Variants in DHX58 observed in about 807,000 individuals in gnomAD.
DHX58 encodes the protein ATP-dependent RNA helicase DHX58.
In DHX58, 51 loss-of-function variants were observed where a neutral mutation model predicts 65.0. The ratio of observed to expected loss-of-function variants is 0.78; its 90% confidence interval spans 0.63 to 0.99. The LOEUF (loss-of-function observed/expected upper bound fraction) is 0.99. Among genes scored for constraint, DHX58 ranks in the 50% least tolerant of loss-of-function variants. The pLI is 0.00. For missense variants in DHX58, 773 were observed against 891.8 expected (o/e 0.87, Z 1.70); for synonymous variants, 350 against 365.0 (o/e 0.96, Z 0.47).
intron 11 of DHX58, among the ~76,000 whole-genome samples, chr17:42,104,201 G>A (rs1482012282): frequency 1.3e-5 from 2 of 151,046 alleles, no homozygotes; most frequent in African/African-American, 2.4e-5. Context: ...GTGAGACTCC[G>A]TCTCGGGGAA....
intron 6 of DHX58, 129 bp downstream of exon 6, chr17:42,109,141 A>G: frequency 1.4e-6 from 1 of 715,968 alleles, no homozygotes; most frequent in South Asian, 2.2e-5. Context: ...AGAAAGGAGA[A>G]ATTGAGGCTT....
At chr17:42,112,354 C>A in intron 1 of DHX58, 149 bp from the exon 2 acceptor site, 1 of 259,774 alleles carries the variant, frequency 3.8e-6, no homozygotes, top group African/African-American at 2.3e-5. Flanking sequence ...TGCGCCAGCG[C>A]CCTGGCAGGC....
intron 3 of DHX58, 84 bp downstream of exon 3, chr17:42,111,641 G>A: frequency 2.5e-6 from 4 of 1,569,314 alleles, no homozygotes; most frequent in Non-Finnish European, 3.5e-6. Context: ...AGCAGCTTTG[G>A]AGTTCTGGTG....
intron 5 of DHX58, among the ~76,000 whole-genome samples, chr17:42,109,722 C>T (rs1413902505): frequency 6.6e-6 from 1 of 151,676 alleles, no homozygotes; most frequent in African/African-American, 2.4e-5. Context: ...TGGTGAAACC[C>T]CACCTCTACT....
At chr17:42,111,148 C>G in intron 4 of DHX58, 148 bp downstream of exon 4, 1 of 1,067,392 alleles carries the variant, frequency 9.4e-7, no homozygotes, top group South Asian at 1.6e-5. Flanking sequence ...CGGCCTGTTT[C>G]TACTAGAGTG....
At position 42,105,007 on chromosome 17, in the gene DHX58, G is replaced by A; in HGVS notation, c.1401+11C>T. 6.2e-7 allele frequency: 1 copy of A among 1,612,326 alleles called. No individual in the cohort carries two copies. On this transcript the variant is annotated intron_variant, in intron 10 of 13. Coordinates refer to ENST00000251642, the MANE Select transcript of DHX58 (RefSeq NM_024119.3). ...CTATAAGGGCGGCTGAGTGGAGGAG[G>A]ATGTGAGTACCTGGACCATGGAGAT...
In DHX58 at chr17:42,104,877, A is replaced by T. The variant is rs1488299654; in HGVS notation, c.1452T>A (p.Thr484=). 1.9e-6 allele frequency: 3 copies of T among 1,614,156 alleles called. No homozygotes were observed. Among genetic ancestry groups the T allele is most frequent in the Non-Finnish European group, 2.5e-6 (3 of 1,180,034 alleles). The change falls in exon 11 of 14, where the codon ACT becomes ACA. Residue 484 remains threonine, a synonymous_variant. Transcript: ENST00000251642. ...ADQSVYAFVA[T]EGSRELKREL... ...CCCGCTTCAGCTCCCGGCTACCTTC[A>T]GTTGCTACAAACGCGTATACACTCT...
Position 42,108,003 on chromosome 17 carries a change from C to CCA in DHX58, c.783_784insTG (p.Val262TrpfsTer3). ...TCACCAGCCTCACTCAGCTTCACCA[C>CCA]CTGCTGCTCATACATTTGCGTCCCA... is the stretch of plus-strand genomic sequence containing the variant. On this transcript the variant is annotated frameshift_variant, in exon 7 of 14. Transcript: ENST00000251642. LOFTEE classifies it high-confidence loss of function. The CCA allele has an allele frequency of 6.2e-7, 1 of 1,614,254 alleles. No individual in the cohort carries two copies. The highest frequency in any genetic ancestry group is 8.5e-7 in the Non-Finnish European group (1 of 1,180,052).
intron 5 of DHX58, 58 bp from the exon 6 acceptor site, chr17:42,109,444 G>T: frequency 6.9e-7 from 1 of 1,457,938 alleles, no homozygotes; most frequent in Non-Finnish European, 9.5e-7. Flanking sequence ...AATGGTCAAA[G>T]ATTTGGGGCA....
chr17:42,107,589 C>A lies in DHX58; in HGVS notation c.997+15G>T. ...CCCATCATCCCCGGCCCCGAAGCCC[C>A]CTCCCGCCCCTCACCATCGAACAGG... is the stretch of plus-strand genomic sequence containing the variant. On this transcript the variant is annotated intron_variant, in intron 8 of 13. Transcript: ENST00000251642. 1 of 1,562,102 alleles carries A rather than the reference C, an allele frequency of 6.4e-7. No homozygotes were observed. Among genetic ancestry groups the A allele is most frequent in the South Asian group, 1.2e-5 (1 of 84,198 alleles).
At chr17:42,106,967 C>T (rs2054070801) in intron 8 of DHX58, among the ~76,000 whole-genome samples, 1 of 152,154 alleles carries the variant, frequency 6.6e-6, no homozygotes, top group Admixed American at 6.5e-5. Flanking sequence ...ACCCAGATCT[C>T]TTGAGCCCCA....
Position 42,110,777 on chromosome 17 carries a change from G to A in DHX58, c.507C>T (p.Ser169=). ...GTTTGGAGGCCCCGCCAGTGCCTGG[G>A]GAGGCTGTGAGACCCAGCACCTGGG... ...PLPQVLGLTA[S]PGTGGASKLD... Residue 169 remains serine, a synonymous_variant, in exon 5 of 14, where the codon TCC becomes TCT. Transcript: ENST00000251642. 6.2e-7 allele frequency: 1 copy of A among 1,613,466 alleles called. No homozygotes were observed. Among genetic ancestry groups the A allele is most frequent in the East Asian group, 2.2e-5 (1 of 44,838 alleles).
chr17:42,103,658 G>T lies in DHX58; in HGVS notation c.1704C>A (p.Asp568Glu), dbSNP rs1397093524. 11 of 1,613,898 alleles carry T rather than the reference G, an allele frequency of 6.8e-6. No individual in the cohort carries two copies. Among genetic ancestry groups the T allele is most frequent in the Non-Finnish European group, 9.3e-6 (11 of 1,180,032 alleles). ...NCMVAVGHGS[D>E]LRKVEGTHHV... ...GGTGGGTGCCCTCCACCTTCCGCAGGTCGCTGCCATGGCCCACAGCCACCA... is the reference window on the plus strand; with the variant it reads ...GGTGGGTGCCCTCCACCTTCCGCAGTTCGCTGCCATGGCCCACAGCCACCA... The change falls in exon 12 of 14, where the codon GAC becomes GAA. Residue 568 changes from aspartate to glutamate, a missense_variant. Transcript: ENST00000251642.
At chr17:42,110,603 A>G (rs2054133804) in intron 5 of DHX58, 120 bp downstream of exon 5, 1 of 1,167,512 alleles carries the variant, frequency 8.6e-7, no homozygotes, top group East Asian at 2.5e-5. Flanking sequence ...GGAAGGGGCC[A>G]GACCCTGCCA....
intron 12 of DHX58, chr17:42,103,273 AG>A (rs1443766858): frequency 3.4e-5 from 11 of 326,980 alleles, no homozygotes; most frequent in Non-Finnish European, 5.1e-5. Flanking sequence ...TAGTGGATGG[AG>A]GATGGCCCAG....
chr17:42,101,700 A>C lies in DHX58; in HGVS notation c.*61T>G. 2.5e-6 allele frequency: 4 copies of C among 1,575,122 alleles called. No homozygotes were observed. Among genetic ancestry groups the C allele is most frequent in the Non-Finnish European group, 3.5e-6 (4 of 1,155,208 alleles). ...GATGATTCAGGAAGGAGGGGCCTGG[A>C]GTCTGCTGCAGACTCTCCCGCCCCC... On this transcript the variant is annotated 3_prime_UTR_variant, in exon 14 of 14. Transcript: ENST00000251642.
intron 11 of DHX58, 94 bp downstream of exon 11, chr17:42,104,672 G>A (rs1463912074): frequency 6.6e-7 from 1 of 1,515,106 alleles, no homozygotes; most frequent in Non-Finnish European, 8.9e-7. Context: ...GATGTAGAGG[G>A]GACAGGGGGA....
chr17:42,106,481 C>A (rs576660948), intron 8 of DHX58, among the ~76,000 whole-genome samples: 3 of 151,768 alleles, frequency 2.0e-5, no homozygotes, highest in Non-Finnish European at 4.4e-5. Flanking sequence ...TCAACTCCCC[C>A]ACAGCAGCAC....
chr17:42,101,807 A>T lies in DHX58; in HGVS notation c.1991T>A (p.Phe664Tyr), dbSNP rs1344329927. The T allele has an allele frequency of 1.2e-6, 2 of 1,614,130 alleles. No individual in the cohort carries two copies. Among genetic ancestry groups the T allele is most frequent in the Non-Finnish European group, 1.7e-6 (2 of 1,180,048 alleles). ...RVPFSVPDFD[F>Y]LQHCAENLSD... ...CAAGTTCTCGGCACAATGCTGCAGG[A>T]AGTCAAAGTCAGGCACGGAGAAGGG... The change falls in exon 14 of 14, where the codon TTC becomes TAC. Residue 664 changes from phenylalanine to tyrosine, a missense_variant. Phe to Tyr is a conservative substitution (Grantham distance 22, BLOSUM62 3). Transcript: ENST00000251642.
Sources: allele counts gnomAD v4.1 joint callset (sites outside exome capture counted in the v4.1 genomes callset), GRCh38; gene constraint gnomAD v4.1.1; transcripts MANE v1.5; gene names NCBI Gene and HGNC (gene_info 2026-07-23, HGNC 2026-07-21).